The following LIN54 variants were observed in gnomAD, a reference collection of about 807,000 sequenced individuals.
LIN54 encodes protein lin-54 homolog.
Under a neutral mutation model 78.7 loss-of-function variants are expected in LIN54, and 9 were observed. The observed-to-expected ratio is 0.11, with a 90% CI of 0.07 to 0.20. The LOEUF (loss-of-function observed/expected upper bound fraction) is 0.20, where lower values mean the gene tolerates loss of function less well. Among genes scored for constraint, LIN54 ranks in the 10% least tolerant of loss-of-function variants. The probability of loss-of-function intolerance (pLI) is 1.00; values close to 1 mark genes in which losing one functional copy is unlikely to be tolerated. For synonymous variants in LIN54, 269 were observed against 318.4 expected (o/e 0.84, Z 1.65); for missense variants, 573 against 889.9 (o/e 0.64, Z 4.53).
At position 82,943,636 on chromosome 4, in the gene LIN54, G is replaced by A. The variant is rs139529089; in HGVS notation, c.1168+2622C>T. Reference sequence around the variant, plus strand: ...TGGATATAAGGGAAATAACATGGGCGTATATGTATGTGGCTGGGTGGGAAG... The same window carrying A: ...TGGATATAAGGGAAATAACATGGGCATATATGTATGTGGCTGGGTGGGAAG... On this transcript the variant is annotated intron_variant, in intron 5 of 12. Coordinates refer to ENST00000340417, the MANE Select transcript of LIN54 (RefSeq NM_194282.4). 1.4e-3 allele frequency among the ~76,000 whole-genome samples: 218 copies of A among 152,144 alleles called. 1 individual carries two copies. The highest frequency in any genetic ancestry group is 4.4e-3 in the African/African-American group (182 of 41,498).
chr4:83,011,776 A>G (rs1295174768), upstream of LIN54, among the ~76,000 whole-genome samples: 2 of 151,882 alleles, frequency 1.3e-5, no homozygotes, highest in Non-Finnish European at 2.9e-5. Context: ...AAAATAACAA[A>G]ACATAAGCTG....
rs977244854 is a variant in LIN54, at chr4:82,925,541, A to G, written c.*2561T>C. 1 of 152,638 alleles carries G rather than the reference A, an allele frequency of 6.6e-6. No individual in the cohort carries two copies. Among genetic ancestry groups the G allele is most frequent in the African/African-American group, 2.4e-5 (1 of 41,454 alleles). The allele number at this position is 152,638 out of a possible 1,614,324, so 9.5% of individuals were successfully genotyped here. A position where few individuals can be genotyped will look rare whatever the true frequency, so the allele number is the denominator to read the frequency against. ...AACAGTGGGGAAAAAAAGAGAAGAC[A>G]TATTCTCATTTCAAAGCAATTTATG... On this transcript the variant is annotated 3_prime_UTR_variant, in exon 13 of 13. Transcript: ENST00000340417.
rs1722713905 is a variant in LIN54, at chr4:82,939,925, C to T, written c.1206G>A (p.Met402Ile). The change falls in exon 6 of 13, where the codon ATG (methionine) becomes ATA (isoleucine). Residue 402 changes from methionine (M) to isoleucine (I), a missense_variant. By Grantham distance (10) the Met-to-Ile change is conservative. Around this residue, in one of 6 missense-constraint regions of LIN54, gnomAD observed 199 missense variants for 260.9 expected, o/e 0.76. Coordinates refer to ENST00000340417, the MANE Select transcript of LIN54 (RefSeq NM_194282.4). Reference sequence around the variant, plus strand: ...CCTGAGCTGAGACAATTGGAACTGACATCCGCACTGGGGTTGTATTAACAA... The same window carrying T: ...CCTGAGCTGAGACAATTGGAACTGATATCCGCACTGGGGTTGTATTAACAA... ...PVVVNTTPVR[M>I]SVPIVSAQAV... The T allele has an allele frequency of 1.2e-6, 2 of 1,612,010 alleles. No homozygotes were observed. The highest frequency in any genetic ancestry group is 1.7e-6 in the Non-Finnish European group (2 of 1,179,484).
chr4:82,954,038 G>A (rs1030700743), intron 4 of LIN54, among the ~76,000 whole-genome samples: 1 of 152,024 alleles, frequency 6.6e-6, no homozygotes, highest in African/African-American at 2.4e-5. Context: ...TACTTAATTT[G>A]TACTAAAGGA....
At chr4:82,963,681 T>A (rs1724983012) in intron 4 of LIN54, among the ~76,000 whole-genome samples, 6 of 147,826 alleles carry the variant, frequency 4.1e-5, no homozygotes, top group Non-Finnish European at 4.5e-5. Context: ...GAGCAACCAC[T>A]AAAAAAAAAA....
intron 12 of LIN54, among the ~76,000 whole-genome samples, chr4:82,929,149 C>T (rs138889251): frequency 6.3e-4 from 96 of 152,330 alleles, no homozygotes; most frequent in African/African-American, 2.1e-3. Flanking sequence ...GTATAGGAAT[C>T]TTTAACATAC....
At chr4:82,928,840 G>A (rs766238073) in intron 12 of LIN54, among the ~76,000 whole-genome samples, 3 of 152,138 alleles carry the variant, frequency 2.0e-5, no homozygotes, top group African/African-American at 4.8e-5. Flanking sequence ...ATTCTGCATC[G>A]TTCTAGCACA....
At chr4:82,991,142 CCTGT>C (rs1432413893) in intron 1 of LIN54, among the ~76,000 whole-genome samples, 9 of 116,472 alleles carry the variant, frequency 7.7e-5, no homozygotes, top group Non-Finnish European at 1.4e-4. Context: ...ACAGTGACAG[CCTGT>C]CTCTTAAGAA....
chr4:83,008,175 C>T (rs1340262468), intron 1 of LIN54, among the ~76,000 whole-genome samples: 1 of 152,164 alleles, frequency 6.6e-6, no homozygotes, highest in Non-Finnish European at 1.5e-5. Flanking sequence ...CACTAAGTTA[C>T]ATTTTCTGTA....
At chr4:82,974,833 TGAGTGACA>T (rs1180125772) in intron 3 of LIN54, among the ~76,000 whole-genome samples, 2 of 148,152 alleles carry the variant, frequency 1.3e-5, no homozygotes, top group African/African-American at 5.0e-5. Context: ...CACTCCAGCC[TGAGTGACA>T]GAGTGACAGA....
chr4:82,952,577 C>T (rs72925237), intron 4 of LIN54, among the ~76,000 whole-genome samples: 2,445 of 152,158 alleles, frequency 0.016, 71 homozygotes, highest in African/African-American at 0.055. Flanking sequence ...ACAGAATTAC[C>T]ATATGATCCA....
At chr4:82,941,537 T>C (rs1449187259) in intron 5 of LIN54, among the ~76,000 whole-genome samples, 5 of 152,144 alleles carry the variant, frequency 3.3e-5, no homozygotes, top group African/African-American at 1.2e-4. Context: ...AGAAATTATA[T>C]TGAAATAAAA....
intron 5 of LIN54, among the ~76,000 whole-genome samples, chr4:82,945,283 A>G (rs1723265658): frequency 6.6e-6 from 1 of 152,214 alleles, no homozygotes; most frequent in Non-Finnish European, 1.5e-5. Flanking sequence ...AATATAAAAC[A>G]AGGAAACACG....
chr4:82,981,207 G>C (rs1378568165), intron 2 of LIN54, among the ~76,000 whole-genome samples: 2 of 152,092 alleles, frequency 1.3e-5, no homozygotes, highest in East Asian at 3.8e-4. Flanking sequence ...GTAATTTTTG[G>C]CACTGTGTTG....
At chr4:82,981,217 G>A (rs1726603911) in intron 2 of LIN54, among the ~76,000 whole-genome samples, 1 of 152,102 alleles carries the variant, frequency 6.6e-6, no homozygotes, top group African/African-American at 2.4e-5. Flanking sequence ...GCACTGTGTT[G>A]GATAGATTCA....
intron 5 of LIN54, among the ~76,000 whole-genome samples, chr4:82,942,024 A>G (rs777048136): frequency 6.6e-5 from 10 of 152,252 alleles, no homozygotes; most frequent in Admixed American, 1.3e-4. Context: ...GGTTTCACTG[A>G]TGTAAAAGTA....
chr4:82,987,611 A>G (rs1311721870), intron 1 of LIN54, among the ~76,000 whole-genome samples: 2 of 151,538 alleles, frequency 1.3e-5, no homozygotes, highest in South Asian at 2.1e-4. Context: ...ACTCCCACTT[A>G]TAAGTGAGAA....
intron 11 of LIN54, among the ~76,000 whole-genome samples, chr4:82,931,517 A>G (rs1308679214): frequency 2.0e-5 from 3 of 152,188 alleles, no homozygotes; most frequent in Non-Finnish European, 2.9e-5. Flanking sequence ...TAACATATAG[A>G]TGACCTCCCA....
intron 11 of LIN54, among the ~76,000 whole-genome samples, chr4:82,933,343 T>C (rs551537049): frequency 1.1e-4 from 17 of 150,676 alleles, no homozygotes; most frequent in African/African-American, 4.1e-4. Context: ...GAAATTACAA[T>C]GACATTTAGC....
Sources: allele counts gnomAD v4.1 joint callset (sites outside exome capture counted in the v4.1 genomes callset), GRCh38; gene constraint gnomAD v4.1.1; regional missense constraint gnomAD v4.1.1; transcripts MANE v1.5; gene names NCBI Gene and HGNC (gene_info 2026-07-23, HGNC 2026-07-21).